RIMS2: variants seen among roughly 807,000 people sequenced by gnomAD.
RIMS2 encodes the protein regulating synaptic membrane exocytosis protein 2.
Under a neutral mutation model 174.4 loss-of-function variants are expected in RIMS2, and 59 were observed. The ratio of observed to expected loss-of-function variants is 0.34; its 90% CI spans 0.27 to 0.42. The LOEUF is 0.42. Among genes scored for constraint, RIMS2 ranks in the 10% least tolerant of loss-of-function variants. The pLI, the probability that RIMS2 is intolerant of heterozygous loss-of-function variation, is 1.00. For synonymous variants in RIMS2, 606 were observed against 572.5 expected (o/e 1.06, Z -0.84); for missense variants, 1,620 against 1,666.3 (o/e 0.97, Z 0.48).
chr8:103,726,002 G>C (rs1014051368), intron 2 of RIMS2, among the ~76,000 whole-genome samples: 1 of 151,910 alleles, frequency 6.6e-6, no homozygotes, highest in African/African-American at 2.4e-5. Flanking sequence ...TTTTAAATTT[G>C]GGTTGTTTGT....
rs1015125273 is a variant in RIMS2 at position 103,918,672 on chromosome 8, T to C, written c.2083+185T>C. 21 of 564,340 alleles carry C rather than the reference T, an allele frequency of 3.7e-5. No individual in the cohort carries two copies. The African/African-American group carries it at 3.9e-4, about 11-fold the overall frequency. The allele number at this position is 564,340 out of a possible 1,614,324, so 35.0% of individuals were successfully genotyped here. ...CTGTGGGAAAAACAAAAATGTAGAA[T>C]ATTTTAAGTTTTTTTTAAACATGTC... On this transcript the variant is annotated intron_variant, in intron 9 of 23. Coordinates refer to ENST00000504942, the Ensembl canonical transcript of RIMS2.
At chr8:103,800,974 T>A (rs1474322398) in intron 3 of RIMS2, among the ~76,000 whole-genome samples, 2 of 151,982 alleles carry the variant, frequency 1.3e-5, no homozygotes, top group Admixed American at 6.6e-5. Context: ...CTGTCTTTAT[T>A]TTTATTTATT....
chr8:104,098,446 T>G (rs1294655533), intron 19 of RIMS2, among the ~76,000 whole-genome samples: 1 of 152,058 alleles, frequency 6.6e-6, no homozygotes, highest in Non-Finnish European at 1.5e-5. Context: ...TAATGGAAGA[T>G]AGAAAAAACA....
intron 12 of RIMS2, among the ~76,000 whole-genome samples, chr8:103,932,693 T>G (rs1435105756): frequency 2.6e-5 from 4 of 152,216 alleles, no homozygotes; most frequent in Admixed American, 1.3e-4. Context: ...CTGAATTTCT[T>G]TCGTGACTAT....
At chr8:103,567,697 G>A (rs1166776848) in intron 1 of RIMS2, among the ~76,000 whole-genome samples, 5 of 152,130 alleles carry the variant, frequency 3.3e-5, no homozygotes, top group Non-Finnish European at 7.4e-5. Context: ...GAATTGCTGG[G>A]TCATATGGTA....
At chr8:103,638,689 G>A (rs532394939) in intron 1 of RIMS2, among the ~76,000 whole-genome samples, 47 of 151,934 alleles carry the variant, frequency 3.1e-4, no homozygotes, top group African/African-American at 1.1e-3. Context: ...GGTTAACTTT[G>A]TATTTTTTTC....
chr8:103,696,580 G>T (rs537114056), intron 1 of RIMS2, among the ~76,000 whole-genome samples: 1 of 151,964 alleles, frequency 6.6e-6, no homozygotes, highest in African/African-American at 2.4e-5. Flanking sequence ...ATATTAGAAG[G>T]TAGAGACTGG....
At chr8:104,207,275 A>G (rs1011329509) in intron 19 of RIMS2, among the ~76,000 whole-genome samples, 17 of 152,226 alleles carry the variant, frequency 1.1e-4, no homozygotes, top group Admixed American at 2.0e-4. Context: ...AGAGCTAGCA[A>G]ATAGAGACTG....
At chr8:104,056,086 A>G (rs937582731) in intron 19 of RIMS2, among the ~76,000 whole-genome samples, 1 of 152,174 alleles carries the variant, frequency 6.6e-6, no homozygotes, top group Non-Finnish European at 1.5e-5. Context: ...AAAACAAAAA[A>G]CACTTAAACA....
At chr8:104,252,464 A>C (rs373797577), downstream of RIMS2, 16 of 152,200 alleles carry the variant, frequency 1.1e-4, no homozygotes, top group African/African-American at 3.6e-4. Flanking sequence ...AATTAAAGAA[A>C]CTTTTTTTGC....
intron 17 of RIMS2, chr8:103,998,105 C>A: frequency 9.2e-7 from 1 of 1,088,872 alleles, no homozygotes. Flanking sequence ...TTTAAAATCT[C>A]ACTTTTTAAA....
At chr8:103,967,132 ATCT>A (rs1476231363) in intron 15 of RIMS2, among the ~76,000 whole-genome samples, 2 of 92,888 alleles carry the variant, frequency 2.2e-5, no homozygotes, top group African/African-American at 8.8e-5. Context: ...GAGTTCACTT[ATCT>A]TCTTACTGAT....
intron 15 of RIMS2, among the ~76,000 whole-genome samples, chr8:103,965,966 A>C (rs1395237222): frequency 6.6e-6 from 1 of 152,086 alleles, no homozygotes; most frequent in Non-Finnish European, 1.5e-5. Flanking sequence ...TTGAATGTGG[A>C]AACAGCTTTG....
chr8:103,662,680 A>G (rs1430231341), intron 1 of RIMS2, among the ~76,000 whole-genome samples: 8 of 103,238 alleles, frequency 7.7e-5, no homozygotes, highest in African/African-American at 2.7e-4. Context: ...GAGTCTATCT[A>G]TCTATCTATC....
At chr8:103,676,377 A>C (rs1156547493) in intron 1 of RIMS2, among the ~76,000 whole-genome samples, 3 of 152,322 alleles carry the variant, frequency 2.0e-5, no homozygotes, top group Non-Finnish European at 2.9e-5. Context: ...AGGGCAAAGA[A>C]AGCCTTTATG....
intron 3 of RIMS2, among the ~76,000 whole-genome samples, chr8:103,851,522 T>C (rs79345917): frequency 0.12 from 18,808 of 151,542 alleles, 1,263 homozygotes; most frequent in Middle Eastern, 0.23. Context: ...AAGAGTAGAG[T>C]ATATTTTCTT....
chr8:103,812,909 T>A (rs1339572219), intron 3 of RIMS2, among the ~76,000 whole-genome samples: 1 of 152,172 alleles, frequency 6.6e-6, no homozygotes, highest in African/African-American at 2.4e-5. Flanking sequence ...GCCTTTAGAT[T>A]TTTATCAGTC....
intron 19 of RIMS2, among the ~76,000 whole-genome samples, chr8:104,131,821 G>T (rs2098476137): frequency 6.6e-6 from 1 of 152,150 alleles, no homozygotes; most frequent in African/African-American, 2.4e-5. Flanking sequence ...GTTTATTGGG[G>T]AATATTTCTG....
At chr8:103,974,809 G>T (rs1426977864) in intron 15 of RIMS2, among the ~76,000 whole-genome samples, 1 of 152,114 alleles carries the variant, frequency 6.6e-6, no homozygotes, top group Admixed American at 6.5e-5. Flanking sequence ...AGGGTCATTT[G>T]AGGCTAGTCT....
Sources: allele counts gnomAD v4.1 joint callset (sites outside exome capture counted in the v4.1 genomes callset), GRCh38; gene constraint gnomAD v4.1.1; transcripts MANE v1.5; gene names NCBI Gene and HGNC (gene_info 2026-07-23, HGNC 2026-07-21).